Variants in DIAPH2 observed in about 807,000 individuals in gnomAD.
DIAPH2 encodes the protein diaphanous related formin 2, also known as protein diaphanous homolog 2.
A neutral mutation model predicts 92.7 loss-of-function variants in DIAPH2; 35 were observed. The ratio of observed to expected loss-of-function variants is 0.38; its 90% CI spans 0.29 to 0.50. The LOEUF (loss-of-function observed/expected upper bound fraction) is 0.50, where lower values mean the gene tolerates loss of function less well. DIAPH2 is among the 20% of genes least tolerant of loss of function. The probability of loss-of-function intolerance (pLI) is 0.94; values close to 1 mark genes in which losing one functional copy is unlikely to be tolerated. For missense variants in DIAPH2, 701 were observed against 819.5 expected (o/e 0.86, Z 1.77); for synonymous variants, 301 against 280.4 (o/e 1.07, Z -0.73).
At chrX:97,250,132 T>C (rs2068176991) in intron 23 of DIAPH2, among the ~76,000 whole-genome samples, 1 of 111,492 alleles carries the variant, frequency 9.0e-6, no homozygotes. Context: ...AATAGGACCA[T>C]GATTCCATTT....
At position 97,276,685 on chromosome X, in the gene DIAPH2, C is replaced by A. The variant is rs368925877; in HGVS notation, c.2844+28846C>A. ...GAGTTGTAATGCAAGCCGAAACATA[C>A]TTATCTCCTCCAGAGTTTACCACTT... On this transcript the variant is annotated intron_variant, in intron 23 of 26. Transcript: ENST00000324765. Among the ~76,000 whole-genome samples, 40 of 112,458 alleles carry A rather than the reference C, an allele frequency of 3.6e-4. No individual in the cohort carries two copies. In the East Asian group the frequency reaches 4.5e-3, roughly 13 times the overall value.
chrX:97,079,430 A>T (rs681325), intron 19 of DIAPH2, among the ~76,000 whole-genome samples: 1,797 of 111,496 alleles, frequency 0.016, 32 homozygotes, highest in African/African-American at 0.053. Flanking sequence ...AGGAATTTTT[A>T]AAAAAATTAT....
chrX:97,524,044 A>C (rs1379434737), intron 26 of DIAPH2, among the ~76,000 whole-genome samples: 2 of 111,686 alleles, frequency 1.8e-5, no homozygotes, highest in Non-Finnish European at 3.8e-5. Context: ...AAACCGTAGA[A>C]TAGTACCCTC....
chrX:96,706,699 A>G (rs759490185), intron 1 of DIAPH2, among the ~76,000 whole-genome samples: 3 of 111,742 alleles, frequency 2.7e-5, no homozygotes, highest in Non-Finnish European at 5.6e-5. Flanking sequence ...GTTGGAGAGG[A>G]TGACTCCTGG....
chrX:97,192,293 C>CAAAAAAAAA (rs773665704), intron 22 of DIAPH2, among the ~76,000 whole-genome samples: 2 of 32,383 alleles, frequency 6.2e-5, no homozygotes, highest in Non-Finnish European at 1.1e-4. Context: ...GACTCCGTCT[C>CAAAAAAAAA]AAAAAAAAAA....
chrX:96,989,504 C>T (rs749997878), intron 17 of DIAPH2, among the ~76,000 whole-genome samples: 2 of 111,879 alleles, frequency 1.8e-5, no homozygotes, highest in Admixed American at 1.9e-4. Flanking sequence ...AAGAATATTC[C>T]AACTGTACTA....
chrX:97,360,984 C>G (rs1030905508), intron 24 of DIAPH2, among the ~76,000 whole-genome samples: 2 of 110,225 alleles, frequency 1.8e-5, no homozygotes, highest in African/African-American at 6.6e-5. Flanking sequence ...ATCCTTCCAC[C>G]TCAGCCTCTT....
intron 10 of DIAPH2, among the ~76,000 whole-genome samples, chrX:96,936,339 A>G (rs1231871856): frequency 9.0e-6 from 1 of 111,522 alleles, no homozygotes; most frequent in Non-Finnish European, 1.9e-5. Context: ...TTATCGACCT[A>G]ATTTGAAGTA....
chrX:97,298,383 C>G (rs182654902), intron 23 of DIAPH2, among the ~76,000 whole-genome samples: 311 of 106,565 alleles, frequency 2.9e-3, no homozygotes, highest in African/African-American at 9.8e-3. Flanking sequence ...TGAATCTACT[C>G]TATGATAAGT....
chrX:96,989,796 C>A (rs1446766735), intron 17 of DIAPH2, among the ~76,000 whole-genome samples: 1 of 111,728 alleles, frequency 9.0e-6, no homozygotes, highest in Admixed American at 9.5e-5. Flanking sequence ...CTTCAGACCA[C>A]TAGTTTCCCT....
chrX:97,081,024 A>G (rs1031435313), intron 19 of DIAPH2, among the ~76,000 whole-genome samples: 2 of 112,291 alleles, frequency 1.8e-5, no homozygotes, highest in African/African-American at 6.5e-5. Flanking sequence ...TGGCATTAGT[A>G]TTGTAGAATT....
chrX:97,294,091 G>C (rs752298623), intron 23 of DIAPH2, among the ~76,000 whole-genome samples: 3 of 111,741 alleles, frequency 2.7e-5, no homozygotes, highest in South Asian at 3.8e-4. Flanking sequence ...CCCTATATTT[G>C]AATGGATTCC....
At chrX:97,513,935 C>T (rs1290526958) in intron 26 of DIAPH2, among the ~76,000 whole-genome samples, 5 of 103,852 alleles carry the variant, frequency 4.8e-5, no homozygotes, top group Non-Finnish European at 9.7e-5. Context: ...CTCTGGCTGC[C>T]CTTAACATTT....
chrX:96,704,049 C>A (rs2063870001), intron 1 of DIAPH2, among the ~76,000 whole-genome samples: 1 of 111,588 alleles, frequency 9.0e-6, no homozygotes, highest in South Asian at 3.8e-4. Context: ...CCACCTTAGC[C>A]TCCTGAGCAG....
intron 5 of DIAPH2, among the ~76,000 whole-genome samples, chrX:96,908,842 G>A (rs1262304222): frequency 1.8e-5 from 2 of 111,510 alleles, no homozygotes; most frequent in South Asian, 3.8e-4. Context: ...CTCGTGATCC[G>A]CCCGCCTCGG....
At chrX:96,871,018 A>T (rs2065138148) in intron 4 of DIAPH2, among the ~76,000 whole-genome samples, 1 of 112,116 alleles carries the variant, frequency 8.9e-6, no homozygotes, top group African/African-American at 3.2e-5. Flanking sequence ...CCAACACAAC[A>T]AATGTTGGTA....
intron 25 of DIAPH2, among the ~76,000 whole-genome samples, chrX:97,388,787 TTAAAA>T (rs1415121143): frequency 9.0e-6 from 1 of 111,724 alleles, no homozygotes; most frequent in Non-Finnish European, 1.9e-5. Context: ...ATTGATTCAA[TTAAAA>T]TAACAATAGT....
intron 17 of DIAPH2, among the ~76,000 whole-genome samples, chrX:97,069,407 A>G (rs1156969719): frequency 9.0e-6 from 1 of 111,473 alleles, no homozygotes; most frequent in Non-Finnish European, 1.9e-5. Context: ...AGTGGTATAC[A>G]TGTATTCATC....
chrX:97,553,491 G>A (rs2071234690), intron 26 of DIAPH2, among the ~76,000 whole-genome samples: 1 of 110,503 alleles, frequency 9.0e-6, no homozygotes, highest in African/African-American at 3.3e-5. Context: ...ATGTTTTACT[G>A]GGGATATTGT....
Sources: gnomAD v4.1 joint callset for allele counts (sites outside exome capture counted in the v4.1 genomes callset) on GRCh38, gnomAD v4.1.1 for gene constraint, MANE v1.5 for transcripts, NCBI Gene and HGNC (gene_info 2026-07-23, HGNC 2026-07-21) for gene names.